The following RB1 variants were observed in gnomAD, a reference collection of about 807,000 sequenced individuals.
The protein encoded by RB1 is RB transcriptional corepressor 1, also known as retinoblastoma-associated protein.
Under a neutral mutation model 135.4 loss-of-function variants are expected in RB1, and 18 were observed. That is an observed-to-expected ratio of 0.13 (90% confidence interval 0.09 to 0.20). The LOEUF (loss-of-function observed/expected upper bound fraction) is 0.20. Among genes scored for constraint, RB1 ranks in the 10% least tolerant of loss-of-function variants. The pLI is 1.00. For missense variants in RB1, 868 were observed against 1,110.0 expected, an observed-to-expected ratio of 0.78 and a Z score of 3.10; for synonymous variants, 365 against 373.2, an observed-to-expected ratio of 0.98 and a Z score of 0.25.
At chr13:48,456,834 C>T (rs956160525) in intron 19 of RB1, among the ~76,000 whole-genome samples, 1 of 152,256 alleles carries the variant, frequency 6.6e-6, no homozygotes. Flanking sequence ...ACACCACAAG[C>T]GGTTTCCACA....
rs1952725700 is a variant in RB1 at position 48,368,447 on chromosome 13, G to A, written c.1050-80G>A. Reference sequence around the variant, plus strand: ...TATATGATTTTATGAGACAACAGAAGCATTATACTGCTTTTTTGATGCATA... The same window carrying A: ...TATATGATTTTATGAGACAACAGAAACATTATACTGCTTTTTTGATGCATA... On this transcript the variant is annotated intron_variant, in intron 10 of 26. Coordinates refer to ENST00000267163, the MANE Select transcript of RB1 (RefSeq NM_000321.3). The A allele has an allele frequency of 4.5e-6, 7 of 1,567,588 alleles. No homozygotes were observed. The South Asian group carries it at 4.5e-5, about 10-fold the overall frequency.
chr13:48,476,550 A>C, intron 24 of RB1, 151 bp from the exon 25 acceptor site: 1 of 745,220 alleles, frequency 1.3e-6, no homozygotes, highest in Non-Finnish European at 2.2e-6. Flanking sequence ...TAGATTTTTC[A>C]TATCTTTTAT....
intron 17 of RB1, among the ~76,000 whole-genome samples, chr13:48,432,936 A>G (rs998068199): frequency 6.6e-6 from 1 of 152,108 alleles, no homozygotes; most frequent in African/African-American, 2.4e-5. Flanking sequence ...AGTCTTTGCT[A>G]TTATGCTTAT....
intron 17 of RB1, among the ~76,000 whole-genome samples, chr13:48,399,205 T>C (rs1364648944): frequency 1.3e-5 from 2 of 152,000 alleles, no homozygotes. Context: ...GACTGAAACA[T>C]TGGACCTGAG....
intron 6 of RB1, among the ~76,000 whole-genome samples, chr13:48,357,497 T>C (rs13378811): frequency 3.9e-5 from 6 of 152,102 alleles, no homozygotes; most frequent in African/African-American, 1.4e-4. Context: ...ATAATATGTA[T>C]TTGGATCACT....
At chr13:48,428,824 G>T (rs572604209) in intron 17 of RB1, among the ~76,000 whole-genome samples, 51 of 152,268 alleles carry the variant, frequency 3.3e-4, no homozygotes, top group African/African-American at 1.1e-3. Context: ...TAGAACAAGG[G>T]TTTTCTGTGA....
At chr13:48,304,166 G>C (rs1952056883) in intron 1 of RB1, 117 bp downstream of exon 1, 2 of 1,165,750 alleles carry the variant, frequency 1.7e-6, no homozygotes, top group African/African-American at 1.6e-5. Context: ...GTCCCGGCGG[G>C]AGGAGGCGCC....
chr13:48,368,546 C>T lies in RB1; in HGVS notation c.1069C>T (p.Pro357Ser), dbSNP rs568421803. 1.2e-6 allele frequency: 2 copies of T among 1,613,340 alleles called. No homozygotes were observed. Among genetic ancestry groups the T allele is most frequent in the African/African-American group, 2.7e-5 (2 of 74,970 alleles). Reference sequence around the variant, plus strand: ...ATTTAGTTTTGAAACACAGAGAACACCACGAAAAAGTAACCTTGATGAAGA... The same window carrying T: ...ATTTAGTTTTGAAACACAGAGAACATCACGAAAAAGTAACCTTGATGAAGA... ...SIDSFETQRT[P>S]RKSNLDEEVN... Residue 357 changes from proline to serine, a missense_variant, in exon 11 of 27, where the codon CCA becomes TCA. By Grantham distance (74) the Pro-to-Ser change is moderately conservative. This residue lies in a region of RB1 where 641 missense variants were observed against 791.3 expected (regional missense o/e 0.81). Coordinates refer to ENST00000267163, the MANE Select transcript of RB1 (RefSeq NM_000321.3).
At chr13:48,410,380 T>G (rs901561387) in intron 17 of RB1, among the ~76,000 whole-genome samples, 1 of 152,198 alleles carries the variant, frequency 6.6e-6, no homozygotes, top group African/African-American at 2.4e-5. Context: ...GTGTACCATA[T>G]AAGCCTAGGT....
rs117824763 is a variant in RB1 at position 48,364,711 on chromosome 13, T to C, written c.862-183T>C. Among the ~76,000 whole-genome samples, 852 of 152,138 alleles carry C rather than the reference T, an allele frequency of 5.6e-3. 5 individuals carry two copies. Among genetic ancestry groups the C allele is most frequent in the Middle Eastern group, 0.01 (3 of 294 alleles). On this transcript the variant is annotated intron_variant, in intron 8 of 26. Transcript: ENST00000267163. Reference sequence around the variant, plus strand: ...TGCACCTGTGAATAGCCACTACACTTCAGCCTAGGCAATATAGAGAGACCC... The same window carrying C: ...TGCACCTGTGAATAGCCACTACACTCCAGCCTAGGCAATATAGAGAGACCC...
chr13:48,309,973 G>A (rs1044394321), intron 2 of RB1, among the ~76,000 whole-genome samples: 6 of 152,156 alleles, frequency 3.9e-5, no homozygotes, highest in African/African-American at 1.4e-4. Flanking sequence ...TCATAATGGG[G>A]ACTAGGATGT....
intron 26 of RB1, among the ~76,000 whole-genome samples, chr13:48,478,347 T>A (rs1369920270): frequency 6.6e-6 from 1 of 152,222 alleles, no homozygotes; most frequent in Non-Finnish European, 1.5e-5. Context: ...AACAAAATTT[T>A]CTAGTTATAA....
At chr13:48,466,688 A>G (rs1949447515) in intron 23 of RB1, among the ~76,000 whole-genome samples, 1 of 116,968 alleles carries the variant, frequency 8.5e-6, no homozygotes. Context: ...TATAACTAGA[A>G]TAACCAATAC....
rs3092885 is a variant in RB1 at position 48,362,637 on chromosome 13, T to C, written c.719-178T>C. Among the ~76,000 whole-genome samples, 1,530 of 152,282 alleles carry C rather than the reference T, an allele frequency of 0.01. 22 individuals are homozygous for C. Among genetic ancestry groups the C allele is most frequent in the African/African-American group, 0.035 (1,446 of 41,558 alleles). ...GTAGAAGAGGGATGGCAAAAACTAA[T>C]ATTAGTACATAATTTGTAGTAGATA... On this transcript the variant is annotated intron_variant, in intron 7 of 26. Transcript: ENST00000267163.
chr13:48,452,835 C>T (rs566330776), intron 17 of RB1, among the ~76,000 whole-genome samples, 158 bp from the exon 18 acceptor site: 1 of 151,930 alleles, frequency 6.6e-6, no homozygotes, highest in African/African-American at 2.4e-5. Flanking sequence ...TTGGGAATTT[C>T]GAAGTAGAGA....
intron 17 of RB1, among the ~76,000 whole-genome samples, chr13:48,404,525 G>C (rs1948722197): frequency 6.6e-6 from 1 of 151,870 alleles, no homozygotes; most frequent in Admixed American, 6.6e-5. Flanking sequence ...GAATGAATGT[G>C]GATACTTTTT....
chr13:48,382,654 C>T lies in RB1; in HGVS notation c.1695+1211C>T, dbSNP rs1948545031. 2.6e-5 allele frequency among the ~76,000 whole-genome samples: 4 copies of T among 152,288 alleles called. No homozygotes were observed. In the South Asian group the frequency reaches 8.3e-4, roughly 32 times the overall value. The stretch of plus-strand genomic sequence containing the variant: ...TCCCATTCTGTAGGTTGCCTGTTCA[C>T]TCTGATCGTAGTTTCTTTTGCTGTG... On this transcript the variant is annotated intron_variant, in intron 17 of 26. Transcript: ENST00000267163.
intron 1 of RB1, among the ~76,000 whole-genome samples, chr13:48,307,042 A>G (rs147981774): frequency 5.7e-4 from 87 of 152,342 alleles, no homozygotes; most frequent in African/African-American, 2.1e-3. Context: ...TATTTGACTT[A>G]CCATGCAAGC....
chr13:48,304,093 C>G (rs1301156737), intron 1 of RB1, 44 bp downstream of exon 1: 10 of 1,376,628 alleles, frequency 7.3e-6, no homozygotes, highest in Non-Finnish European at 8.4e-6. Flanking sequence ...GAAGGGCGCC[C>G]CGGGTGTGCG....
Sources: gnomAD v4.1 joint callset for allele counts (sites outside exome capture counted in the v4.1 genomes callset) on GRCh38, gnomAD v4.1.1 for gene constraint, gnomAD v4.1.1 regional missense constraint, MANE v1.5 for transcripts, NCBI Gene and HGNC (gene_info 2026-07-23, HGNC 2026-07-21) for gene names.